The following DNAH9 variants were observed in gnomAD, a reference collection of about 807,000 sequenced individuals.
DNAH9 encodes DNAH9 variant protein.
DNAH9 carries 345 observed loss-of-function variants against 471.6 expected under a neutral mutation model. That is an observed-to-expected ratio of 0.73 (90% CI 0.67 to 0.80). The LOEUF (loss-of-function observed/expected upper bound fraction) is 0.80, where lower values mean the gene tolerates loss of function less well. Ranked by LOEUF, DNAH9 falls within the 30% of genes least tolerant of loss-of-function variation. The probability of loss-of-function intolerance (pLI) is 0.00; values close to 1 mark genes in which losing one functional copy is unlikely to be tolerated. For synonymous variants in DNAH9, 2,093 were observed against 2,123.6 expected, an observed-to-expected ratio of 0.99 and a Z score of 0.40; for missense variants, 5,407 against 5,609.2, an observed-to-expected ratio of 0.96 and a Z score of 1.15.
At position 11,881,210 on chromosome 17, in the gene DNAH9, T is replaced by A; in HGVS notation, c.10603T>A (p.Phe3535Ile). 6.2e-7 allele frequency: 1 copy of A among 1,614,148 alleles called. No homozygotes were observed. Among genetic ancestry groups the A allele is most frequent in the Non-Finnish European group, 8.5e-7 (1 of 1,180,018 alleles). Residue 3535 changes from phenylalanine (F) to isoleucine (I), a missense_variant and splice_region_variant, in exon 55 of 69, where the codon TTC (phenylalanine) becomes ATC (isoleucine). By Grantham distance (21) the Phe-to-Ile change is conservative. This residue lies in a region of DNAH9 where 4,636 missense variants were observed against 4,900.3 expected (regional missense o/e 0.95). Transcript: ENST00000262442. ...LGREVIKKGR[F>I]IKIGDKECEY... ...TTCACATGAGCCTTTATGTTCCAGA[T>A]TCATTAAAATTGGAGACAAAGAATG...
chr17:11,753,750 C>G lies in DNAH9; in HGVS notation c.6738+790C>G, dbSNP rs1178225130. Among the ~76,000 whole-genome samples, 5 of 152,252 alleles carry G rather than the reference C, an allele frequency of 3.3e-5. No individual in the cohort carries two copies. In the East Asian group the frequency reaches 5.8e-4, roughly 18 times the overall value. Reference sequence around the variant, plus strand: ...TGTCCAGATTACAAGTTTTAAAATGCCTTTAACGTTTACAGGATTGTTAGA... The same window carrying G: ...TGTCCAGATTACAAGTTTTAAAATGGCTTTAACGTTTACAGGATTGTTAGA... On this transcript the variant is annotated intron_variant, in intron 33 of 68. Coordinates refer to ENST00000262442, the MANE Select transcript of DNAH9 (RefSeq NM_001372.4).
intron 19 of DNAH9, among the ~76,000 whole-genome samples, chr17:11,686,226 CCTCT>C (rs1377051114): frequency 6.6e-6 from 1 of 151,954 alleles, no homozygotes; most frequent in Non-Finnish European, 1.5e-5. Context: ...CTCACTTATT[CCTCT>C]CTCTCTAGGC....
At chr17:11,783,990 G>A (rs914614107) in intron 40 of DNAH9, among the ~76,000 whole-genome samples, 1 of 152,100 alleles carries the variant, frequency 6.6e-6, no homozygotes, top group African/African-American at 2.4e-5. Flanking sequence ...GGGCGCTTCA[G>A]AGAGATGAAT....
chr17:11,640,997 A>G (rs1041894029), intron 10 of DNAH9, among the ~76,000 whole-genome samples: 1 of 152,136 alleles, frequency 6.6e-6, no homozygotes, highest in African/African-American at 2.4e-5. Context: ...TGTTGTGTTT[A>G]AGACGCTGGC....
chr17:11,751,691 A>G (rs925939703), intron 32 of DNAH9, among the ~76,000 whole-genome samples: 3 of 152,092 alleles, frequency 2.0e-5, no homozygotes, highest in African/African-American at 4.8e-5. Flanking sequence ...AGGGATGCCT[A>G]TTGTCAACAT....
chr17:11,860,154 A>T (rs748067587), intron 50 of DNAH9, among the ~76,000 whole-genome samples: 106 of 152,318 alleles, frequency 7.0e-4, no homozygotes, highest in Middle Eastern at 3.4e-3. Context: ...GAACGTGTCT[A>T]TATTGTTCAT....
At chr17:11,603,107 C>G (rs2072420204) in intron 1 of DNAH9, among the ~76,000 whole-genome samples, 1 of 152,212 alleles carries the variant, frequency 6.6e-6, no homozygotes, top group Non-Finnish European at 1.5e-5. Context: ...AAACCCAGCT[C>G]TACATACTTC....
intron 45 of DNAH9, among the ~76,000 whole-genome samples, chr17:11,819,613 C>T (rs1174306237): frequency 1.3e-5 from 2 of 152,148 alleles, no homozygotes; most frequent in Non-Finnish European, 2.9e-5. Flanking sequence ...AACTCCTGAC[C>T]TTGTGATCCG....
At chr17:11,948,616 C>T (rs983722972) in intron 67 of DNAH9, among the ~76,000 whole-genome samples, 13 of 152,276 alleles carry the variant, frequency 8.5e-5, no homozygotes, top group Admixed American at 3.9e-4. Context: ...CCCTTTCATC[C>T]CCACCCACTG....
At chr17:11,812,079 A>G (rs138856635) in intron 45 of DNAH9, among the ~76,000 whole-genome samples, 2,441 of 139,844 alleles carry the variant, frequency 0.017, 47 homozygotes, top group Non-Finnish European at 0.03. Flanking sequence ...ACATACATCC[A>G]AGAATATAAG....
intron 26 of DNAH9, among the ~76,000 whole-genome samples, chr17:11,716,104 G>A (rs1186423963): frequency 2.4e-5 from 3 of 126,808 alleles, no homozygotes; most frequent in African/African-American, 1.0e-4. Context: ...TTTTTTTTGA[G>A]ATGAAGTCTC....
intron 43 of DNAH9, among the ~76,000 whole-genome samples, chr17:11,805,302 C>T (rs1371083485): frequency 6.6e-6 from 1 of 152,110 alleles, no homozygotes; most frequent in Non-Finnish European, 1.5e-5. Context: ...TATATACACT[C>T]ACATGTTGTT....
At chr17:11,857,301 T>G (rs780593193) in intron 50 of DNAH9, among the ~76,000 whole-genome samples, 3 of 152,120 alleles carry the variant, frequency 2.0e-5, no homozygotes, top group Non-Finnish European at 4.4e-5. Context: ...GCCAAAATAT[T>G]TTCTGGAAAA....
intron 43 of DNAH9, among the ~76,000 whole-genome samples, chr17:11,799,734 C>A (rs1395679919): frequency 6.6e-6 from 1 of 152,172 alleles, no homozygotes; most frequent in Non-Finnish European, 1.5e-5. Context: ...CAGGTGCCCA[C>A]CACCAGGCCT....
chr17:11,802,413 G>A (rs1218995156), intron 43 of DNAH9, among the ~76,000 whole-genome samples: 2 of 152,054 alleles, frequency 1.3e-5, no homozygotes, highest in Admixed American at 1.3e-4. Flanking sequence ...TGGATCACCT[G>A]AGTTCAGGAG....
chr17:11,761,905 G>T (rs761951304), intron 35 of DNAH9, among the ~76,000 whole-genome samples: 2 of 152,090 alleles, frequency 1.3e-5, no homozygotes, highest in Non-Finnish European at 2.9e-5. Flanking sequence ...AGGGTGAGAA[G>T]CCAGGGTTGC....
At chr17:11,621,561 A>C (rs1277672141) in intron 6 of DNAH9, among the ~76,000 whole-genome samples, 1 of 152,144 alleles carries the variant, frequency 6.6e-6, no homozygotes, top group Non-Finnish European at 1.5e-5. Context: ...CAAGGACAGG[A>C]GAACGTAAGA....
At chr17:11,954,110 A>G (rs1975521157) in intron 67 of DNAH9, 1 of 151,926 alleles carries the variant, frequency 6.6e-6, no homozygotes, top group South Asian at 2.1e-4. Context: ...GTAGGATAAT[A>G]TCAAGTGGTC....
At chr17:11,917,282 G>A (rs779071676) in intron 61 of DNAH9, among the ~76,000 whole-genome samples, 5 of 152,000 alleles carry the variant, frequency 3.3e-5, no homozygotes, top group Admixed American at 1.3e-4. Context: ...TCAGCCTCCC[G>A]AGTAGCTGGG....
Sources: gnomAD v4.1 joint callset for allele counts (sites outside exome capture counted in the v4.1 genomes callset) on GRCh38, gnomAD v4.1.1 for gene constraint, gnomAD v4.1.1 regional missense constraint, MANE v1.5 for transcripts, NCBI Gene and HGNC (gene_info 2026-07-23, HGNC 2026-07-21) for gene names.